AEN: variants seen among roughly 807,000 people sequenced by gnomAD.
The protein encoded by AEN is apoptosis-enhancing nuclease.
Under a neutral mutation model 17.7 loss-of-function variants are expected in AEN, and 21 were observed. The ratio of observed to expected loss-of-function variants is 1.19; its 90% confidence interval spans 0.84 to 1.71. AEN has a LOEUF of 1.71. Ranked by LOEUF, AEN falls within the 40% of genes most tolerant of loss-of-function variation. The pLI, the probability that AEN is intolerant of heterozygous loss-of-function variation, is 0.00. For missense variants in AEN, 462 were observed against 435.9 expected (o/e 1.06, Z -0.53); for synonymous variants, 190 against 173.0 (o/e 1.10, Z -0.77).
intron 1 of AEN, 80 bp from the exon 2 acceptor site, chr15:88,626,066 A>C (rs1353131779): frequency 2.3e-6 from 2 of 887,070 alleles, no homozygotes; most frequent in Non-Finnish European, 3.1e-6. Flanking sequence ...ACCGTGGTGC[A>C]CTGCAGGGAG....
chr15:88,609,642 T>C, the AEN span, among the ~76,000 whole-genome samples: 1 of 152,180 alleles, frequency 6.6e-6, no homozygotes, highest in African/African-American at 2.4e-5. Context: ...GTTGGTGGGC[T>C]CAAGGGCAGG....
intron 2 of AEN, 181 bp downstream of exon 2, chr15:88,626,930 C>G: frequency 4.4e-6 from 3 of 688,506 alleles, no homozygotes; most frequent in Non-Finnish European, 7.2e-6. Flanking sequence ...CCTGACCTTG[C>G]CTCCAGATAA....
At chr15:88,612,078 C>T in the AEN span, 1 of 350,418 alleles carries the variant, frequency 2.9e-6, no homozygotes, top group Non-Finnish European at 5.5e-6. Flanking sequence ...CATGGACAAA[C>T]TATGGTGTGA....
the AEN span, among the ~76,000 whole-genome samples, chr15:88,612,857 TCC>T: frequency 2.0e-5 from 3 of 152,102 alleles, no homozygotes; most frequent in Non-Finnish European, 2.9e-5. Context: ...CACCTCGGTC[TCC>T]CAAAGTGCTG....
At chr15:88,625,028 T>C (rs1186681789) in intron 1 of AEN, among the ~76,000 whole-genome samples, 1 of 152,216 alleles carries the variant, frequency 6.6e-6, no homozygotes, top group Non-Finnish European at 1.5e-5. Context: ...ATGCTGGGTT[T>C]TGCAAACTCA....
chr15:88,606,159 T>C, the AEN span, among the ~76,000 whole-genome samples: 3 of 152,206 alleles, frequency 2.0e-5, no homozygotes, highest in African/African-American at 2.4e-5. Context: ...CCCCAGGCTC[T>C]GGTGTTCCGT....
chr15:88,608,499 T>G, the AEN span, among the ~76,000 whole-genome samples: 1 of 152,188 alleles, frequency 6.6e-6, no homozygotes, highest in Non-Finnish European at 1.5e-5. Context: ...TGATTTCCCC[T>G]AAAAATAGAT....
intron 1 of AEN, 38 bp from the exon 2 acceptor site, chr15:88,626,108 T>A (rs948652453): frequency 1.5e-4 from 208 of 1,358,188 alleles, no homozygotes; most frequent in Non-Finnish European, 2.0e-4. Context: ...CCTGGCACAC[T>A]CTCACCCAGC....
At position 88,630,299 on chromosome 15, in the gene AEN, G is replaced by C. The variant is rs751853313; in HGVS notation, c.*5G>C. 5 of 1,570,088 alleles carry C rather than the reference G, an allele frequency of 3.2e-6. No homozygotes were observed. The East Asian group carries it at 1.2e-4, about 37-fold the overall frequency. On this transcript the variant is annotated 3_prime_UTR_variant, in exon 4 of 4. Coordinates refer to ENST00000332810, the MANE Select transcript of AEN (RefSeq NM_022767.4). The surrounding 1 kb of genome is among the most constrained non-coding windows in gnomAD (Gnocchi z 5.1). ...GCACAGGACAGAAGGAATTGAGAAGGGGGCGGGGCTCCCTGGCTGGGCTTC... is the reference window on the plus strand; with the variant it reads ...GCACAGGACAGAAGGAATTGAGAAGCGGGCGGGGCTCCCTGGCTGGGCTTC...
the AEN span, among the ~76,000 whole-genome samples, chr15:88,606,392 G>A: frequency 2.0e-5 from 3 of 152,102 alleles, no homozygotes; most frequent in Non-Finnish European, 4.4e-5. Context: ...TGTTCAAAAA[G>A]AACATCAAGG....
rs1596033484 is a variant in AEN at position 88,630,552 on chromosome 15, C to G, written c.*258C>G. ...CACTTTACAGACTCCATGGAGATGT[C>G]AGGTGGACCATCTTCTAGGGCCCAG... On this transcript the variant is annotated 3_prime_UTR_variant, in exon 4 of 4. Coordinates refer to ENST00000332810, the MANE Select transcript of AEN (RefSeq NM_022767.4). The surrounding 1 kb of genome is among the most constrained non-coding windows in gnomAD (Gnocchi z 5.1). 1.0e-5 allele frequency: 5 copies of G among 480,236 alleles called. No individual in the cohort carries two copies. Among genetic ancestry groups the G allele is most frequent in the Middle Eastern group, 5.5e-4 (1 of 1,824 alleles). The allele number at this position is 480,236 out of a possible 1,614,324, so 29.7% of individuals were successfully genotyped here. A position where few individuals can be genotyped will look rare whatever the true frequency, so the allele number is the denominator to read the frequency against.
At chr15:88,623,163 G>T (rs139140493) in intron 1 of AEN, among the ~76,000 whole-genome samples, 1 of 152,274 alleles carries the variant, frequency 6.6e-6, no homozygotes, top group South Asian at 2.1e-4. Flanking sequence ...GCAGATTAAG[G>T]TTCTGAATTT....
the AEN span, chr15:88,611,866 G>C: frequency 1.9e-6 from 1 of 521,490 alleles, no homozygotes; most frequent in Admixed American, 2.0e-5. Flanking sequence ...TGGAAGACTA[G>C]TGATTTTGTT....
At chr15:88,617,265 A>C (rs1490185035), upstream of AEN, among the ~76,000 whole-genome samples, 1 of 151,526 alleles carries the variant, frequency 6.6e-6, no homozygotes, top group Admixed American at 6.6e-5. Flanking sequence ...TTCTTTATTT[A>C]TTTATTGAGA....
the AEN span, among the ~76,000 whole-genome samples, chr15:88,611,215 G>A: frequency 6.6e-6 from 1 of 152,068 alleles, no homozygotes; most frequent in Admixed American, 6.6e-5. Flanking sequence ...TCTGCATGGT[G>A]GTTCAATGCT....
the AEN span, chr15:88,611,975 T>C: frequency 2.2e-6 from 1 of 451,832 alleles, no homozygotes; most frequent in Non-Finnish European, 4.5e-6. Flanking sequence ...TTTTTGGCTA[T>C]CCTTCCACGT....
the AEN span, among the ~76,000 whole-genome samples, chr15:88,612,747 A>G: frequency 6.6e-6 from 1 of 151,948 alleles, no homozygotes; most frequent in Non-Finnish European, 1.5e-5. Context: ...ATTACAGGTG[A>G]ATGCCACCAA....
At chr15:88,610,514 T>G in the AEN span, among the ~76,000 whole-genome samples, 1 of 152,058 alleles carries the variant, frequency 6.6e-6, no homozygotes, top group Non-Finnish European at 1.5e-5. Context: ...AAAGAACTTC[T>G]TGGTTTTTCT....
chr15:88,604,798 A>C, the AEN span: 1 of 152,430 alleles, frequency 6.6e-6, no homozygotes, highest in Non-Finnish European at 1.5e-5. The surrounding 1 kb of genome is among the most constrained non-coding windows in gnomAD (Gnocchi z 8.1). Flanking sequence ...AGCTTCCTCA[A>C]ACCCCACCCC....
Sources: gnomAD v4.1 joint callset for allele counts (sites outside exome capture counted in the v4.1 genomes callset) on GRCh38, gnomAD v4.1.1 for gene constraint, Gnocchi (gnomAD v3.1) non-coding constraint, MANE v1.5 for transcripts, NCBI Gene and HGNC (gene_info 2026-07-23, HGNC 2026-07-21) for gene names.